Variants in CLOCK observed in about 807,000 individuals in gnomAD.
CLOCK encodes the protein circadian locomoter output cycles protein kaput.
Under a neutral mutation model 118.4 loss-of-function variants are expected in CLOCK, and 43 were observed. The observed-to-expected ratio is 0.36, with a 90% CI of 0.28 to 0.47. The LOEUF (loss-of-function observed/expected upper bound fraction) is 0.47. Ranked by LOEUF, CLOCK falls within the 20% of genes least tolerant of loss-of-function variation. The pLI is 1.00. For synonymous variants in CLOCK, 326 were observed against 339.2 expected (o/e 0.96, Z 0.43); for missense variants, 846 against 999.9 (o/e 0.85, Z 2.08).
In CLOCK at chr4:55,433,008, A is replaced by G. The variant is rs1040136742; in HGVS notation, c.*2407T>C. 2 of 152,618 alleles carry G rather than the reference A, an allele frequency of 1.3e-5. No homozygotes were observed. The highest frequency in any genetic ancestry group is 2.4e-5 in the African/African-American group (1 of 41,456). The allele number at this position is 152,618 out of a possible 1,614,324, so 9.5% of individuals were successfully genotyped here. On this transcript the variant is annotated 3_prime_UTR_variant, in exon 23 of 23. Coordinates refer to ENST00000513440, the MANE Select transcript of CLOCK (RefSeq NM_004898.4). ...CTTTTAAGTGTGGTATGTAGAGGAC[A>G]GGCCTCAATATAATAGTTCTTCATA...
intron 1 of CLOCK, among the ~76,000 whole-genome samples, chr4:55,518,400 A>G (rs1330945280): frequency 6.6e-6 from 1 of 152,190 alleles, no homozygotes; most frequent in Non-Finnish European, 1.5e-5. Flanking sequence ...ATCCCTAAAC[A>G]AAAATGCCAA....
intron 2 of CLOCK, among the ~76,000 whole-genome samples, chr4:55,495,012 C>T (rs772900413): frequency 6.6e-6 from 1 of 152,144 alleles, no homozygotes; most frequent in African/African-American, 2.4e-5. Flanking sequence ...CGGTTTCTCT[C>T]GATAAACCTG....
intron 1 of CLOCK, among the ~76,000 whole-genome samples, chr4:55,545,052 C>CTTTTT (rs34291520): frequency 1.2e-4 from 17 of 144,680 alleles, no homozygotes; most frequent in Non-Finnish European, 1.8e-4. Context: ...TTCAGGCTAA[C>CTTTTT]TTTTTTTTTT....
At chr4:55,483,580 C>A (rs1406076115) in intron 3 of CLOCK, among the ~76,000 whole-genome samples, 1 of 152,094 alleles carries the variant, frequency 6.6e-6, no homozygotes, top group Non-Finnish European at 1.5e-5. Context: ...AAGCAACAGG[C>A]TGGAGGACAG....
intron 16 of CLOCK, 86 bp downstream of exon 16, chr4:55,450,005 G>A (rs1350562192): frequency 8.2e-6 from 12 of 1,469,972 alleles, no homozygotes; most frequent in Non-Finnish European, 1.1e-5. Flanking sequence ...TTTTAAAGAA[G>A]CGTTTGATGA....
chr4:55,517,594 T>C lies in CLOCK; in HGVS notation c.-289-7529A>G, dbSNP rs908640054. ...GATTTTTGTGTCTCTATAAAGAATATTGGTTTTTAATTTGTTGTTTCTGTT... is the reference window on the plus strand; with the variant it reads ...GATTTTTGTGTCTCTATAAAGAATACTGGTTTTTAATTTGTTGTTTCTGTT... On this transcript the variant is annotated intron_variant, in intron 1 of 22. Transcript: ENST00000513440. 2.6e-5 allele frequency among the ~76,000 whole-genome samples: 4 copies of C among 152,236 alleles called. No individual in the cohort carries two copies. The South Asian group carries it at 6.2e-4, about 24-fold the overall frequency.
rs2109648008 is a variant in CLOCK at position 55,438,407 on chromosome 4, G to T, written c.2236C>A (p.Gln746Lys). 6.2e-7 allele frequency: 1 copy of T among 1,613,948 alleles called. No homozygotes were observed. The highest frequency in any genetic ancestry group is 2.2e-5 in the East Asian group (1 of 44,844). The change falls in exon 22 of 23, where the codon CAA (glutamine) becomes AAA (lysine). Residue 746 changes from glutamine (Q) to lysine (K), a missense_variant. Coordinates refer to ENST00000513440, the MANE Select transcript of CLOCK (RefSeq NM_004898.4). ...GTTACTGACAATGTCTGTGACTGTT[G>T]CTGTTGTGTAGCAAAAGTAGGATAT... Reference protein sequence around the residue: ...TAYPTFATQQQQSQTLSVTQQ... With the variant: ...TAYPTFATQQKQSQTLSVTQQ...
At chr4:55,508,724 C>G (rs1728961284) in intron 2 of CLOCK, among the ~76,000 whole-genome samples, 1 of 151,986 alleles carries the variant, frequency 6.6e-6, no homozygotes, top group African/African-American at 2.4e-5. Context: ...TCCTGAGTAG[C>G]TGGGACTACA....
At chr4:55,477,255 C>T (rs149976253) in intron 6 of CLOCK, among the ~76,000 whole-genome samples, 8 of 151,900 alleles carry the variant, frequency 5.3e-5, no homozygotes, top group South Asian at 2.1e-4. Context: ...CCTCTATTGA[C>T]GGGGAAATAT....
chr4:55,527,797 C>T (rs1730300157), intron 1 of CLOCK, among the ~76,000 whole-genome samples: 1 of 151,960 alleles, frequency 6.6e-6, no homozygotes, highest in African/African-American at 2.4e-5. Context: ...AATCCCAGCA[C>T]TTTGGGAGGC....
At chr4:55,521,888 CAAT>C (rs1729867202) in intron 1 of CLOCK, among the ~76,000 whole-genome samples, 1 of 152,042 alleles carries the variant, frequency 6.6e-6, no homozygotes, top group Non-Finnish European at 1.5e-5. Flanking sequence ...AGAATAGCTA[CAAT>C]AATTTGAAGA....
At chr4:55,531,526 G>C (rs559182512) in intron 1 of CLOCK, among the ~76,000 whole-genome samples, 1 of 151,892 alleles carries the variant, frequency 6.6e-6, no homozygotes, top group African/African-American at 2.4e-5. Flanking sequence ...CCAACATGGT[G>C]AAACCCCGTC....
chr4:55,500,342 T>TG (rs1728353641), intron 2 of CLOCK, among the ~76,000 whole-genome samples: 1 of 152,120 alleles, frequency 6.6e-6, no homozygotes, highest in Non-Finnish European at 1.5e-5. Flanking sequence ...TTGTTTTGTT[T>TG]GGGGGGAGTG....
At chr4:55,516,642 A>G (rs1470376696) in intron 1 of CLOCK, among the ~76,000 whole-genome samples, 2 of 152,144 alleles carry the variant, frequency 1.3e-5, no homozygotes, top group Non-Finnish European at 2.9e-5. Context: ...TTGATTTTTC[A>G]TCCACTCTGG....
intron 8 of CLOCK, among the ~76,000 whole-genome samples, 199 bp from the exon 9 acceptor site, chr4:55,464,004 T>A (rs750591784): frequency 7.9e-5 from 12 of 152,204 alleles, no homozygotes; most frequent in South Asian, 4.1e-4. Flanking sequence ...CAATATGACC[T>A]TGAAAGCCTG....
intron 6 of CLOCK, among the ~76,000 whole-genome samples, chr4:55,477,950 A>G (rs1726635305): frequency 6.6e-6 from 1 of 152,076 alleles, no homozygotes; most frequent in African/African-American, 2.4e-5. Flanking sequence ...CTATTGCTTT[A>G]TTGAGGGATA....
Position 55,482,669 on chromosome 4 carries a change from T to C in CLOCK, c.47+70A>G, listed in dbSNP as rs867655963. On this transcript the variant is annotated intron_variant, in intron 4 of 22. Transcript: ENST00000513440. The stretch of plus-strand genomic sequence containing the variant: ...TAAAATTCCTTCTATCAATTTCATA[T>C]AGACCATTATTCTAATAGTGCATTT... 1.8e-5 allele frequency: 19 copies of C among 1,034,184 alleles called. No individual in the cohort carries two copies. The Middle Eastern group carries it at 1.2e-3, about 64-fold the overall frequency. 64.1% of individuals were successfully genotyped at this position (1,034,184 alleles called of 1,614,324 possible). A position where few individuals can be genotyped will look rare whatever the true frequency, so the allele number is the denominator to read the frequency against.
In CLOCK at chr4:55,438,522, T is replaced by A; in HGVS notation, c.2121A>T (p.Gln707His). 6.2e-7 allele frequency: 1 copy of A among 1,613,612 alleles called. No individual in the cohort carries two copies. The highest frequency in any genetic ancestry group is 8.5e-7 in the Non-Finnish European group (1 of 1,179,998). The change falls in exon 22 of 23, where the codon CAA becomes CAT. Residue 707 changes from glutamine (Q) to histidine (H), a missense_variant. This residue lies in a region of CLOCK where 520 missense variants were observed against 558.0 expected (regional missense o/e 0.93). Coordinates refer to ENST00000513440, the MANE Select transcript of CLOCK (RefSeq NM_004898.4). ...QDRQIRFSQG[Q>H]QLVTKLVTAP... The stretch of plus-strand genomic sequence containing the variant: ...CAGTCACTAATTTGGTCACAAGTTG[T>A]TGACCTTGAGAAAATCTGTTAGAAG...
At chr4:55,491,234 T>TAAA (rs34441416) in intron 2 of CLOCK, among the ~76,000 whole-genome samples, 702 of 44,312 alleles carry the variant, frequency 0.016, 9 homozygotes, top group African/African-American at 0.043. Context: ...GCAGGTGTGC[T>TAAA]AAAAAAAAAA....
Sources: gnomAD v4.1 joint callset for allele counts (sites outside exome capture counted in the v4.1 genomes callset) on GRCh38, gnomAD v4.1.1 for gene constraint, gnomAD v4.1.1 regional missense constraint, MANE v1.5 for transcripts, NCBI Gene and HGNC (gene_info 2026-07-23, HGNC 2026-07-21) for gene names.